The following NDUFS1 variants were observed in gnomAD, a reference collection of about 807,000 sequenced individuals.
NDUFS1 encodes the protein NADH-ubiquinone oxidoreductase 75 kDa subunit, mitochondrial.
In NDUFS1, 61 loss-of-function variants were observed where a neutral mutation model predicts 84.4. The observed-to-expected ratio is 0.72, with a 90% CI of 0.59 to 0.89. The LOEUF is 0.89. NDUFS1 is among the 40% of genes least tolerant of loss of function. NDUFS1 has a pLI of 0.00. For missense variants in NDUFS1, 891 were observed against 890.0 expected, an observed-to-expected ratio of 1.00 and a Z score of -0.01; for synonymous variants, 275 against 290.0, an observed-to-expected ratio of 0.95 and a Z score of 0.53.
intron 8 of NDUFS1, 134 bp downstream of exon 8, chr2:206,146,769 A>C (rs1692167228): frequency 1.3e-6 from 1 of 783,088 alleles, no homozygotes; most frequent in Admixed American, 2.6e-5. Flanking sequence ...CCTTCTATTT[A>C]AAGGGTTTTA....
chr2:206,142,918 T>C (rs1692018775), intron 10 of NDUFS1, 87 bp from the exon 11 acceptor site: 6 of 1,535,210 alleles, frequency 3.9e-6, no homozygotes, highest in Admixed American at 3.9e-5. Flanking sequence ...ACAGTACTTG[T>C]TTTCAAGTAC....
intron 15 of NDUFS1, 128 bp downstream of exon 15, chr2:206,129,958 AGG>A (rs1691440991): frequency 1.1e-6 from 1 of 942,070 alleles, no homozygotes. Context: ...TTAAAAAAAA[AGG>A]AGGAGGAGTG....
chr2:206,139,164 C>G (rs1691837816), intron 12 of NDUFS1, among the ~76,000 whole-genome samples: 1 of 151,338 alleles, frequency 6.6e-6, no homozygotes, highest in Non-Finnish European at 1.5e-5. Flanking sequence ...GCTAGTAAGC[C>G]AGCTATAAAA....
At position 206,120,248 on chromosome 2, in the gene NDUFS1, A is replaced by G. The variant is rs1691059591; in HGVS notation, c.*3937T>C. On this transcript the variant is annotated 3_prime_UTR_variant, in exon 19 of 19. Transcript: ENST00000233190. Reference sequence around the variant, plus strand: ...CAGATATTCCTTTACAGTAATGCAAACAGATTAAAACAGATTAGTACTGAC... The same window carrying G: ...CAGATATTCCTTTACAGTAATGCAAGCAGATTAAAACAGATTAGTACTGAC... 6.6e-6 allele frequency: 1 copy of G among 152,194 alleles called. No individual in the cohort carries two copies. Among genetic ancestry groups the G allele is most frequent in the South Asian group, 2.1e-4 (1 of 4,834 alleles). 9.4% of individuals were successfully genotyped at this position (152,194 alleles called of 1,614,324 possible). A position where few individuals can be genotyped will look rare whatever the true frequency, so the allele number is the denominator to read the frequency against.
chr2:206,150,883 T>C lies in NDUFS1; in HGVS notation c.154-958A>G, dbSNP rs1228296954. Among the ~76,000 whole-genome samples the C allele has an allele frequency of 2.6e-5, 4 of 152,236 alleles. No homozygotes were observed. In the East Asian group the frequency reaches 7.7e-4, roughly 29 times the overall value. ...TGAGTTCTAAAGAACTATTTGTCTG[T>C]GGCTCTACTGAAACTTCTTTTGTGT... On this transcript the variant is annotated intron_variant, in intron 3 of 18. Coordinates refer to ENST00000233190, the MANE Select transcript of NDUFS1 (RefSeq NM_005006.7).
At chr2:206,152,611 T>C in intron 2 of NDUFS1, 101 bp from the exon 3 acceptor site, 1 of 930,992 alleles carries the variant, frequency 1.1e-6, no homozygotes, top group Non-Finnish European at 1.7e-6. Flanking sequence ...AATTTTTCAT[T>C]CCTTATTATT....
chr2:206,127,008 A>G (rs571848003), intron 16 of NDUFS1, among the ~76,000 whole-genome samples, 164 bp from the exon 17 acceptor site: 7 of 152,382 alleles, frequency 4.6e-5, no homozygotes, highest in African/African-American at 1.7e-4. Context: ...AGCAGGGAAC[A>G]CAAATATCAA....
intron 18 of NDUFS1, among the ~76,000 whole-genome samples, chr2:206,125,754 C>T (rs985564062): frequency 1.3e-5 from 2 of 151,744 alleles, no homozygotes; most frequent in African/African-American, 2.4e-5. Context: ...ACTTCATCAC[C>T]GAGGAATTAA....
At chr2:206,139,481 C>T (rs1691851071) in intron 12 of NDUFS1, among the ~76,000 whole-genome samples, 1 of 152,054 alleles carries the variant, frequency 6.6e-6, no homozygotes, top group Non-Finnish European at 1.5e-5. Flanking sequence ...GCCACTGTGC[C>T]CGGCCTAAAA....
In NDUFS1 at chr2:206,138,466, A is replaced by C. The variant is rs770145746; in HGVS notation, c.1392+19T>G. 1.2e-6 allele frequency: 2 copies of C among 1,609,470 alleles called. No homozygotes were observed. The stretch of plus-strand genomic sequence containing the variant: ...TAATTAAAAATCAACAAGAGTAGAT[A>C]CACATAAGTTGAGAGCACCTGGCTA... On this transcript the variant is annotated intron_variant, in intron 13 of 18. Transcript: ENST00000233190.
chr2:206,142,596 A>G, intron 11 of NDUFS1, 90 bp downstream of exon 11: 2 of 1,481,098 alleles, frequency 1.4e-6, no homozygotes, highest in Non-Finnish European at 1.9e-6. Flanking sequence ...ACTGGGGGAT[A>G]TGTTGGAGAA....
chr2:206,132,400 A>G (rs1050927564), intron 14 of NDUFS1, among the ~76,000 whole-genome samples: 2 of 152,136 alleles, frequency 1.3e-5, no homozygotes, highest in Middle Eastern at 3.2e-3. Context: ...CCTGGGCAAC[A>G]TAGTGAGACT....
At chr2:206,152,381 C>T (rs772720929) in intron 3 of NDUFS1, 38 bp downstream of exon 3, 7 of 1,519,260 alleles carry the variant, frequency 4.6e-6, no homozygotes, top group Non-Finnish European at 5.5e-6. Flanking sequence ...TTAAAAAAAT[C>T]AGAACACACA....
At chr2:206,137,875 A>T (rs1471518689) in intron 13 of NDUFS1, among the ~76,000 whole-genome samples, 2 of 152,218 alleles carry the variant, frequency 1.3e-5, no homozygotes, top group African/African-American at 2.4e-5. Flanking sequence ...TTTCAGGTTT[A>T]CTTTGATTTC....
At chr2:206,152,303 T>C in intron 3 of NDUFS1, 116 bp downstream of exon 3, 1 of 772,378 alleles carries the variant, frequency 1.3e-6, no homozygotes, top group Non-Finnish European at 2.2e-6. Flanking sequence ...TAATATAACT[T>C]TGCTGTGTAT....
intron 14 of NDUFS1, among the ~76,000 whole-genome samples, chr2:206,132,223 C>T (rs1387080886): frequency 6.6e-6 from 1 of 152,106 alleles, no homozygotes; most frequent in African/African-American, 2.4e-5. Flanking sequence ...GAATAAGGAT[C>T]AGTTCCATTT....
At chr2:206,143,922 G>A in intron 10 of NDUFS1, 96 bp downstream of exon 10, 1 of 1,010,716 alleles carries the variant, frequency 9.9e-7, no homozygotes, top group African/African-American at 1.8e-5. Flanking sequence ...CTTGGTAAAA[G>A]TAAAAAAGGG....
intron 14 of NDUFS1, 97 bp downstream of exon 14, chr2:206,132,848 T>TG (rs1691564761): frequency 8.8e-7 from 1 of 1,131,724 alleles, no homozygotes. Context: ...TGTTGCTAAA[T>TG]GTTGTTTGTA....
At chr2:206,137,219 G>GAA (rs1314946935) in intron 13 of NDUFS1, among the ~76,000 whole-genome samples, 1 of 152,000 alleles carries the variant, frequency 6.6e-6, no homozygotes, top group Non-Finnish European at 1.5e-5. Flanking sequence ...ATGATAATCA[G>GAA]AATCCCAGCA....
Sources: gnomAD v4.1 joint callset for allele counts (sites outside exome capture counted in the v4.1 genomes callset) on GRCh38, gnomAD v4.1.1 for gene constraint, MANE v1.5 for transcripts, NCBI Gene and HGNC (gene_info 2026-07-23, HGNC 2026-07-21) for gene names.